ARC: variants seen among roughly 807,000 people sequenced by gnomAD.
ARC encodes the protein activity regulated cytoskeleton associated protein, also known as activity-regulated cytoskeleton-associated protein.
A neutral mutation model predicts 20.0 loss-of-function variants in ARC; 10 were observed. That is an observed-to-expected ratio of 0.50 (90% CI 0.31 to 0.85). ARC has a LOEUF of 0.85. Among genes scored for constraint, ARC ranks in the 40% least tolerant of loss-of-function variants. ARC has a pLI of 0.05. For synonymous variants in ARC, 269 were observed against 254.1 expected, an observed-to-expected ratio of 1.06 and a Z score of -0.56; for missense variants, 454 against 555.5, an observed-to-expected ratio of 0.82 and a Z score of 1.84.
At position 142,614,333 on chromosome 8, in the gene ARC, C is replaced by A; in HGVS notation, c.-62G>T. The A allele has an allele frequency of 7.7e-7, 1 of 1,294,668 alleles. No individual in the cohort carries two copies. Among genetic ancestry groups the A allele is most frequent in the Non-Finnish European group, 9.8e-7 (1 of 1,016,976 alleles). 80.2% of individuals were successfully genotyped at this position (1,294,668 alleles called of 1,614,324 possible). On this transcript the variant is annotated 5_prime_UTR_variant, in exon 1 of 3. Transcript: ENST00000356613. ...GGGGCGGACAGAGGGTGGTCCGGCGCTGGGGTCCGGCGGCCTGGGTCCCGT... is the reference window on the plus strand; with the variant it reads ...GGGGCGGACAGAGGGTGGTCCGGCGATGGGGTCCGGCGGCCTGGGTCCCGT...
rs1846273527 is a variant in ARC, at chr8:142,613,288, G to A, written c.984C>T (p.Thr328=). The change falls in exon 1 of 3, where the codon ACC becomes ACT. Residue 328 remains threonine, a synonymous_variant. Coordinates refer to ENST00000356613, the MANE Select transcript of ARC (RefSeq NM_015193.5). ...EEEIIQYVVG[T]LQPKLKRFLR... Reference sequence around the variant, plus strand: ...GGAAACGCTTGAGCTTGGGCTGCAGGGTGCCCACCACGTACTGGATGATCT... The same window carrying A: ...GGAAACGCTTGAGCTTGGGCTGCAGAGTGCCCACCACGTACTGGATGATCT... 2 of 1,613,690 alleles carry A rather than the reference G, an allele frequency of 1.2e-6. No individual in the cohort carries two copies. Among genetic ancestry groups the A allele is most frequent in the African/African-American group, 1.3e-5 (1 of 75,060 alleles).
rs776707820 is a variant in ARC at position 142,613,268 on chromosome 8, C to T, written c.1004G>A (p.Arg335His). The T allele has an allele frequency of 3.7e-6, 6 of 1,613,496 alleles. No homozygotes were observed. Among genetic ancestry groups the T allele is most frequent in the Non-Finnish European group, 5.1e-6 (6 of 1,179,986 alleles). The change falls in exon 1 of 3, where the codon CGT (arginine) becomes CAT (histidine). Residue 335 changes from arginine (R) to histidine (H), a missense_variant. Physicochemically the swap from Arg to His is conservative, Grantham distance 29. Around this residue, in one of 3 missense-constraint regions of ARC, gnomAD observed 117 missense variants for 194.4 expected, o/e 0.60. Transcript: ENST00000356613. ...VVGTLQPKLK[R>H]FLRHPLPKTL... Reference sequence around the variant, plus strand: ...CTTGGGCAGGGGGTGGCGCAGGAAACGCTTGAGCTTGGGCTGCAGGGTGCC... The same window carrying T: ...CTTGGGCAGGGGGTGGCGCAGGAAATGCTTGAGCTTGGGCTGCAGGGTGCC...
chr8:142,613,155 C>A lies in ARC; in HGVS notation c.1117G>T (p.Glu373Ter). Residue 373 changes from glutamate to a stop codon, truncating the protein, a stop_gained, in exon 1 of 3, where the codon GAG becomes TAG. Transcript: ENST00000356613. LOFTEE classifies it low-confidence loss of function (END_TRUNC). The part of the protein sequence containing the change: ...AEPAGPHLPV[E>*]DEAETLTPAP... ...GGCGTGAGGGTCTCCGCCTCATCCT[C>A]CACCGGGAGGTGGGGGCCGGCCGGC... 1 of 1,606,580 alleles carries A rather than the reference C, an allele frequency of 6.2e-7. No individual in the cohort carries two copies. The highest frequency in any genetic ancestry group is 8.5e-7 in the Non-Finnish European group (1 of 1,177,342).
chr8:142,614,363 A>AGCTGCGGGGAGCGCCTGTCTGTC lies in ARC; in HGVS notation c.-115_-93dup, dbSNP rs1459864832. 4 of 1,090,842 alleles carry AGCTGCGGGGAGCGCCTGTCTGTC rather than the reference A, an allele frequency of 3.7e-6. No individual in the cohort carries two copies. The highest frequency in any genetic ancestry group is 4.7e-6 in the Non-Finnish European group (4 of 853,494). 67.6% of individuals were successfully genotyped at this position (1,090,842 alleles called of 1,614,324 possible). On this transcript the variant is annotated 5_prime_UTR_variant, in exon 1 of 3. Transcript: ENST00000356613. ...GTCCGGCGGCCTGGGTCCCGTGCGGAGCTGCGGGGAGCGCCTGTCTGTCGC... is the reference window on the plus strand; with the variant it reads ...GTCCGGCGGCCTGGGTCCCGTGCGGAGCTGCGGGGAGCGCCTGTCTGTCGCTGCGGGGAGCGCCTGTCTGTCGC...
At position 142,614,474 on chromosome 8, in the gene ARC, C is replaced by A; in HGVS notation, c.-203G>T. The A allele has an allele frequency of 2.6e-6, 1 of 390,836 alleles. No homozygotes were observed. The highest frequency in any genetic ancestry group is 4.4e-6 in the Non-Finnish European group (1 of 227,402). 24.2% of individuals were successfully genotyped at this position (390,836 alleles called of 1,614,324 possible). On this transcript the variant is annotated 5_prime_UTR_variant, in exon 1 of 3. Transcript: ENST00000356613. Reference sequence around the variant, plus strand: ...GCGGAGGGAGGACGCCGCGCCCGAGCTCTGCGCTGAGTCCTGGCCGCCGGC... The same window carrying A: ...GCGGAGGGAGGACGCCGCGCCCGAGATCTGCGCTGAGTCCTGGCCGCCGGC...
At position 142,613,984 on chromosome 8, in the gene ARC, G is replaced by A. The variant is rs760406794; in HGVS notation, c.288C>T (p.Cys96=). ...GGTTGGCGATGGTCTCCTGGCAGCG[G>A]CACAGGCAGGCCTTGATGGACTTCT... ...RWKKSIKACL[C]RCQETIANLE... Residue 96 remains cysteine (C), a synonymous_variant, in exon 1 of 3, where the codon TGC becomes TGT. Coordinates refer to ENST00000356613, the MANE Select transcript of ARC (RefSeq NM_015193.5). 1.9e-6 allele frequency: 3 copies of A among 1,608,544 alleles called. No homozygotes were observed. Among genetic ancestry groups the A allele is most frequent in the Non-Finnish European group, 8.5e-7 (1 of 1,179,356 alleles).
rs1162325603 is a variant in ARC, at chr8:142,611,367, C to A, written c.*1233G>T. On this transcript the variant is annotated 3_prime_UTR_variant, in exon 3 of 3. Coordinates refer to ENST00000356613, the MANE Select transcript of ARC (RefSeq NM_015193.5). ...GGCAGAACGATGAACCCTGAGCCAG[C>A]ACCTGCTTAGGCTGCAGACGCTAGT... 6.6e-6 allele frequency: 1 copy of A among 152,540 alleles called. No individual in the cohort carries two copies. The highest frequency in any genetic ancestry group is 1.5e-5 in the Non-Finnish European group (1 of 68,078). The allele number at this position is 152,540 out of a possible 1,614,324, so 9.4% of individuals were successfully genotyped here.
At position 142,612,951 on chromosome 8, in the gene ARC, G is replaced by T. The variant is rs587595872; in HGVS notation, c.*130C>A. On this transcript the variant is annotated 3_prime_UTR_variant, in exon 1 of 3. Transcript: ENST00000356613. Reference sequence around the variant, plus strand: ...GGATGACACGAGTGTGTGCGAGTCCGCCCGGAGCTCGAGGGGGCACCCAGC... The same window carrying T: ...GGATGACACGAGTGTGTGCGAGTCCTCCCGGAGCTCGAGGGGGCACCCAGC... The T allele has an allele frequency of 6.1e-5, 44 of 724,244 alleles. No individual in the cohort carries two copies. The South Asian group carries it at 7.2e-4, about 12-fold the overall frequency. 44.9% of individuals were successfully genotyped at this position (724,244 alleles called of 1,614,324 possible). A position where few individuals can be genotyped will look rare whatever the true frequency, so the allele number is the denominator to read the frequency against.
At position 142,611,688 on chromosome 8, in the gene ARC, C is replaced by A. The variant is rs587757972; in HGVS notation, c.*912G>T. 2 of 152,390 alleles carry A rather than the reference C, an allele frequency of 1.3e-5. No homozygotes were observed. The highest frequency in any genetic ancestry group is 2.4e-5 in the African/African-American group (1 of 41,460). 9.4% of individuals were successfully genotyped at this position (152,390 alleles called of 1,614,324 possible). A position where few individuals can be genotyped will look rare whatever the true frequency, so the allele number is the denominator to read the frequency against. On this transcript the variant is annotated 3_prime_UTR_variant, in exon 3 of 3. Coordinates refer to ENST00000356613, the MANE Select transcript of ARC (RefSeq NM_015193.5). ...GCTTAGTGGCAGGCCCTGGTCCTCGCGCTGGCGCTCAGGGCTAAGCTGGGG... is the reference window on the plus strand; with the variant it reads ...GCTTAGTGGCAGGCCCTGGTCCTCGAGCTGGCGCTCAGGGCTAAGCTGGGG...
In ARC at chr8:142,614,104, C is replaced by A; in HGVS notation, c.168G>T (p.Gln56His). The change falls in exon 1 of 3, where the codon CAG (glutamine) becomes CAT (histidine). Residue 56 changes from glutamine (Q) to histidine (H), a missense_variant. Gln to His is a conservative substitution (Grantham distance 24). Around this residue, in one of 3 missense-constraint regions of ARC, gnomAD observed 265 missense variants for 301.7 expected, o/e 0.88. Transcript: ENST00000356613. ...GCAGCCCCTTCAGCTCGCGCTCCAC[C>A]TGCTTGGACACCTCGGCCAGCAGGT... is the stretch of plus-strand genomic sequence containing the variant. ...HRHLLAEVSK[Q>H]VERELKGLHR... 1 of 1,591,572 alleles carries A rather than the reference C, an allele frequency of 6.3e-7. No individual in the cohort carries two copies. The highest frequency in any genetic ancestry group is 1.1e-5 in the South Asian group (1 of 89,736).
At position 142,613,125 on chromosome 8, in the gene ARC, G is replaced by A; in HGVS notation, c.1147C>T (p.Pro383Ser). The change falls in exon 1 of 3, where the codon CCC becomes TCC. Residue 383 changes from proline to serine, a missense_variant. Physicochemically the swap from Pro to Ser is moderately conservative, Grantham distance 74 (BLOSUM62 -1). Around this residue, in one of 3 missense-constraint regions of ARC, gnomAD observed 72 missense variants for 59.4 expected, o/e 1.21. Coordinates refer to ENST00000356613, the MANE Select transcript of ARC (RefSeq NM_015193.5). ...TCACTGGCCACGGACTCGCTGTTGG[G>A]GGCGGGCGTGAGGGTCTCCGCCTCA... ...EDEAETLTPA[P>S]NSESVASDRT... is the part of the protein sequence containing the mutation. 6.3e-7 allele frequency: 1 copy of A among 1,580,622 alleles called. No homozygotes were observed. The highest frequency in any genetic ancestry group is 8.6e-7 in the Non-Finnish European group (1 of 1,164,196).
chr8:142,613,667 T>A lies in ARC; in HGVS notation c.605A>T (p.Asp202Val), dbSNP rs140481166. Residue 202 changes from aspartate to valine, a missense_variant, in exon 1 of 3, where the codon GAC (aspartate) becomes GTC (valine). Coordinates refer to ENST00000356613, the MANE Select transcript of ARC (RefSeq NM_015193.5). ...GTCCACGCCGGGGCTGGGCTGCCCG[T>A]CCTCGCCGGGGACCCACGGCTGGTA... is the stretch of plus-strand genomic sequence containing the variant. ...QQYQPWVPGE[D>V]GQPSPGVDTQ... 404 of 1,568,246 alleles carry A rather than the reference T, an allele frequency of 2.6e-4. 5 individuals are homozygous for A. In the Middle Eastern group the frequency reaches 3.0e-3, roughly 12 times the overall value.
chr8:142,612,912 C>T lies in ARC; in HGVS notation c.*169G>A, dbSNP rs1056657915. 8.5e-6 allele frequency: 5 copies of T among 591,656 alleles called. No homozygotes were observed. Among genetic ancestry groups the T allele is most frequent in the South Asian group, 4.6e-5 (2 of 43,144 alleles). 36.7% of individuals were successfully genotyped at this position (591,656 alleles called of 1,614,324 possible). A position where few individuals can be genotyped will look rare whatever the true frequency, so the allele number is the denominator to read the frequency against. On this transcript the variant is annotated 3_prime_UTR_variant, in exon 1 of 3. Coordinates refer to ENST00000356613, the MANE Select transcript of ARC (RefSeq NM_015193.5). ...GGGGAGGGCTCTTTGCCGCTGGGTG[C>T]GGTGCTCACATCTGGATGACACGAG... is the stretch of plus-strand genomic sequence containing the variant.
chr8:142,613,366 C>T lies in ARC; in HGVS notation c.906G>A (p.Leu302=). The T allele has an allele frequency of 6.2e-7, 1 of 1,613,348 alleles. No homozygotes were observed. The highest frequency in any genetic ancestry group is 8.5e-7 in the Non-Finnish European group (1 of 1,179,992). ...QKQGEPLDQF[L]WRKRDLYQTL... The stretch of plus-strand genomic sequence containing the variant: ...TCTGGTACAGGTCCCGCTTGCGCCA[C>T]AGGAACTGGTCCAGCGGCTCGCCCT... Residue 302 remains leucine (L), a synonymous_variant, in exon 1 of 3, where the codon CTG becomes CTA. Coordinates refer to ENST00000356613, the MANE Select transcript of ARC (RefSeq NM_015193.5).
In ARC at chr8:142,613,011, G is replaced by T; in HGVS notation, c.*70C>A. On this transcript the variant is annotated 3_prime_UTR_variant, in exon 1 of 3. Transcript: ENST00000356613. ...GCTTCCCCTGCAGGAGTCAGCCCCA[G>T]CTCAAAAGTCCTGGTGGGCAAAGCC... 1.5e-6 allele frequency: 2 copies of T among 1,298,870 alleles called. No individual in the cohort carries two copies. The highest frequency in any genetic ancestry group is 2.5e-5 in the East Asian group (1 of 39,384). The allele number at this position is 1,298,870 out of a possible 1,614,324, so 80.5% of individuals were successfully genotyped here.
Position 142,614,333 on chromosome 8 carries a change from C to G in ARC, c.-62G>C. On this transcript the variant is annotated 5_prime_UTR_variant, in exon 1 of 3. Coordinates refer to ENST00000356613, the MANE Select transcript of ARC (RefSeq NM_015193.5). ...GGGGCGGACAGAGGGTGGTCCGGCG[C>G]TGGGGTCCGGCGGCCTGGGTCCCGT... The G allele has an allele frequency of 7.7e-7, 1 of 1,294,668 alleles. No homozygotes were observed. The highest frequency in any genetic ancestry group is 1.6e-5 in the African/African-American group (1 of 64,502). The allele number at this position is 1,294,668 out of a possible 1,614,324, so 80.2% of individuals were successfully genotyped here.
Position 142,613,202 on chromosome 8 carries a change from T to A in ARC, c.1070A>T (p.Asp357Val). The change falls in exon 1 of 3, where the codon GAT (aspartate) becomes GTT (valine). Residue 357 changes from aspartate (D) to valine (V), a missense_variant. Physicochemically the swap from Asp to Val is radical, Grantham distance 152. This residue lies in a region of ARC where 72 missense variants were observed against 59.4 expected (regional missense o/e 1.21). Transcript: ENST00000356613. ...CGGCTCGGCCGCCTGCTCCAGGTCA[T>A]CCTGCACCTCCATGCCCCTCTGGAT... ...QLIQRGMEVQDDLEQAAEPAG... is the reference protein window; with the variant it reads ...QLIQRGMEVQVDLEQAAEPAG... The A allele has an allele frequency of 6.2e-7, 1 of 1,612,534 alleles. No homozygotes were observed. Among genetic ancestry groups the A allele is most frequent in the African/African-American group, 1.3e-5 (1 of 75,036 alleles).
Position 142,614,337 on chromosome 8 carries a change from G to A in ARC, c.-66C>T, listed in dbSNP as rs1846288348. 11 of 1,284,956 alleles carry A rather than the reference G, an allele frequency of 8.6e-6. No individual in the cohort carries two copies. Among genetic ancestry groups the A allele is most frequent in the Non-Finnish European group, 1.1e-5 (11 of 1,008,714 alleles). The allele number at this position is 1,284,956 out of a possible 1,614,324, so 79.6% of individuals were successfully genotyped here. ...CGGACAGAGGGTGGTCCGGCGCTGG[G>A]GTCCGGCGGCCTGGGTCCCGTGCGG... On this transcript the variant is annotated 5_prime_UTR_variant, in exon 1 of 3. Coordinates refer to ENST00000356613, the MANE Select transcript of ARC (RefSeq NM_015193.5).
In ARC at chr8:142,613,723, C is replaced by G. The variant is rs773814601; in HGVS notation, c.549G>C (p.Leu183=). Residue 183 remains leucine (L), a synonymous_variant, in exon 1 of 3, where the codon CTG becomes CTC. Transcript: ENST00000356613. ...GGGCCTCGGCGGGCTCCTGCCCGGG[C>G]AGCTCGCCAGCGGCTGGGGGCGGGG... ...AITPPPAAGE[L]PGQEPAEAQQ... 2 of 1,552,260 alleles carry G rather than the reference C, an allele frequency of 1.3e-6. No individual in the cohort carries two copies. Among genetic ancestry groups the G allele is most frequent in the Middle Eastern group, 1.7e-4 (1 of 5,958 alleles).
Sources: allele counts gnomAD v4.1 joint callset, GRCh38; gene constraint gnomAD v4.1.1; regional missense constraint gnomAD v4.1.1; transcripts MANE v1.5; gene names NCBI Gene and HGNC (gene_info 2026-07-23, HGNC 2026-07-21).